PLCXD3: variants seen among roughly 807,000 people sequenced by gnomAD.
PLCXD3 encodes PI-PLC X domain-containing protein 3.
Under a neutral mutation model 25.5 loss-of-function variants are expected in PLCXD3, and 19 were observed. That is an observed-to-expected ratio of 0.75 (90% confidence interval 0.52 to 1.09). PLCXD3 has a LOEUF of 1.09. Among genes scored for constraint, PLCXD3 ranks in the 50% least tolerant of loss-of-function variants. The probability of loss-of-function intolerance (pLI) is 0.00; values close to 1 mark genes in which losing one functional copy is unlikely to be tolerated. For synonymous variants in PLCXD3, 174 were observed against 137.6 expected, an observed-to-expected ratio of 1.26 and a Z score of -1.85; for missense variants, 411 against 388.1, an observed-to-expected ratio of 1.06 and a Z score of -0.50.
chr5:41,387,096 A>G (rs1252076513), intron 1 of PLCXD3, among the ~76,000 whole-genome samples: 3 of 152,042 alleles, frequency 2.0e-5, no homozygotes, highest in African/African-American at 7.2e-5. Flanking sequence ...TAATCTGTCC[A>G]TTGACAGTTA....
intron 2 of PLCXD3, among the ~76,000 whole-genome samples, chr5:41,376,449 T>C (rs946604613): frequency 6.6e-6 from 1 of 152,082 alleles, no homozygotes; most frequent in Non-Finnish European, 1.5e-5. Context: ...ATCTTCCTAA[T>C]ATATGCCTAA....
intron 2 of PLCXD3, among the ~76,000 whole-genome samples, chr5:41,368,584 G>A (rs1745004140): frequency 6.6e-6 from 1 of 152,154 alleles, no homozygotes. Flanking sequence ...TTGAATAGGA[G>A]TGGTGAGAGA....
At chr5:41,362,067 G>T (rs758246473) in intron 2 of PLCXD3, among the ~76,000 whole-genome samples, 3 of 152,172 alleles carry the variant, frequency 2.0e-5, no homozygotes, top group Non-Finnish European at 4.4e-5. Context: ...TGGGGATTTA[G>T]AAATATTCTG....
intron 1 of PLCXD3, among the ~76,000 whole-genome samples, chr5:41,462,309 G>A (rs1173648386): frequency 6.6e-6 from 1 of 152,012 alleles, no homozygotes; most frequent in Non-Finnish European, 1.5e-5. Context: ...CGAAAGGTCA[G>A]ATTCTGCTGC....
Position 41,498,270 on chromosome 5 carries a change from A to G in PLCXD3, c.103+12154T>C, listed in dbSNP as rs192798640. Among the ~76,000 whole-genome samples the G allele has an allele frequency of 1.9e-4, 29 of 151,698 alleles. No individual in the cohort carries two copies. In the East Asian group the frequency reaches 3.1e-3, roughly 16 times the overall value. Reference sequence around the variant, plus strand: ...CTAGGAATTTTTTGAAAAGATAAACATAAGTGACATTTAGCTAAAGAAAGA... The same window carrying G: ...CTAGGAATTTTTTGAAAAGATAAACGTAAGTGACATTTAGCTAAAGAAAGA... On this transcript the variant is annotated intron_variant, in intron 1 of 2. Coordinates refer to ENST00000377801, the MANE Select transcript of PLCXD3 (RefSeq NM_001005473.3).
intron 1 of PLCXD3, among the ~76,000 whole-genome samples, chr5:41,463,816 C>G (rs918168201): frequency 1.3e-5 from 2 of 151,828 alleles, no homozygotes; most frequent in African/African-American, 4.8e-5. Flanking sequence ...TGGCCTTTAC[C>G]TTCCTTGTTT....
At chr5:41,478,938 G>A (rs1248365844) in intron 1 of PLCXD3, among the ~76,000 whole-genome samples, 2 of 152,036 alleles carry the variant, frequency 1.3e-5, no homozygotes, top group Admixed American at 6.6e-5. Context: ...AACAGATCTC[G>A]TGAGAACTCA....
chr5:41,485,215 A>G (rs1343341835), intron 1 of PLCXD3, among the ~76,000 whole-genome samples: 1 of 152,204 alleles, frequency 6.6e-6, no homozygotes, highest in Non-Finnish European at 1.5e-5. Flanking sequence ...GCCAAGTAAC[A>G]CACCCAAAAT....
chr5:41,428,556 C>A (rs1478308183), intron 1 of PLCXD3, among the ~76,000 whole-genome samples: 1 of 151,908 alleles, frequency 6.6e-6, no homozygotes, highest in East Asian at 1.9e-4. Flanking sequence ...ACAAAACCAG[C>A]CAACCCCTTG....
At chr5:41,473,278 C>T (rs930048399) in intron 1 of PLCXD3, among the ~76,000 whole-genome samples, 2 of 152,036 alleles carry the variant, frequency 1.3e-5, no homozygotes, top group African/African-American at 2.4e-5. Context: ...TTTGCAATCA[C>T]TTTTGTGCTA....
intron 1 of PLCXD3, 48 bp from the exon 2 acceptor site, chr5:41,382,582 C>G: frequency 7.1e-7 from 1 of 1,409,316 alleles, no homozygotes; most frequent in Non-Finnish European, 9.6e-7. Context: ...CGTCTTTGCC[C>G]TTCCCACCTT....
intron 2 of PLCXD3, among the ~76,000 whole-genome samples, chr5:41,368,514 G>A (rs963838271): frequency 3.9e-5 from 6 of 152,068 alleles, no homozygotes; most frequent in East Asian, 3.9e-4. Flanking sequence ...CTTCCTATTC[G>A]TATACGCTTT....
At chr5:41,410,008 G>T (rs752532267) in intron 1 of PLCXD3, among the ~76,000 whole-genome samples, 31 of 152,090 alleles carry the variant, frequency 2.0e-4, no homozygotes, top group Non-Finnish European at 4.0e-4. Flanking sequence ...GAATTAATAA[G>T]AATTATACTG....
chr5:41,407,495 A>C (rs1309099386), intron 1 of PLCXD3, among the ~76,000 whole-genome samples: 3 of 152,150 alleles, frequency 2.0e-5, no homozygotes, highest in Non-Finnish European at 4.4e-5. Flanking sequence ...GGACTTTTGG[A>C]GACAAAGACC....
chr5:41,430,700 G>A (rs1747078099), intron 1 of PLCXD3, among the ~76,000 whole-genome samples: 1 of 152,128 alleles, frequency 6.6e-6, no homozygotes, highest in African/African-American at 2.4e-5. Flanking sequence ...TTTCTCTTCT[G>A]AATCCCTTCC....
chr5:41,389,340 G>A (rs1745738059), intron 1 of PLCXD3, among the ~76,000 whole-genome samples: 1 of 152,076 alleles, frequency 6.6e-6, no homozygotes, highest in Non-Finnish European at 1.5e-5. Flanking sequence ...AATCCCTACT[G>A]GGAAGTAAGA....
intron 1 of PLCXD3, among the ~76,000 whole-genome samples, chr5:41,417,381 C>G (rs1746718561): frequency 6.6e-6 from 1 of 152,158 alleles, no homozygotes; most frequent in African/African-American, 2.4e-5. Context: ...TCAGCCTCCT[C>G]CTTTTCATTC....
intron 2 of PLCXD3, among the ~76,000 whole-genome samples, chr5:41,374,625 A>G (rs1745232362): frequency 6.6e-6 from 1 of 152,134 alleles, no homozygotes; most frequent in African/African-American, 2.4e-5. Context: ...AGAGAGAGAG[A>G]CAGATCGAAG....
chr5:41,394,719 G>A (rs1745943999), intron 1 of PLCXD3, among the ~76,000 whole-genome samples: 1 of 152,064 alleles, frequency 6.6e-6, no homozygotes, highest in Non-Finnish European at 1.5e-5. Flanking sequence ...AAGAGACAAA[G>A]AAGGTCACTA....
Sources: gnomAD v4.1 joint callset for allele counts (sites outside exome capture counted in the v4.1 genomes callset) on GRCh38, gnomAD v4.1.1 for gene constraint, MANE v1.5 for transcripts, NCBI Gene and HGNC (gene_info 2026-07-23, HGNC 2026-07-21) for gene names.